The following ASPRV1 variants were observed in gnomAD, a reference collection of about 807,000 sequenced individuals.
ASPRV1 encodes the protein aspartic peptidase retroviral like 1.
A neutral mutation model predicts 11.0 loss-of-function variants in ASPRV1; 7 were observed. The observed-to-expected ratio is 0.64, with a 90% CI of 0.36 to 1.20. The LOEUF is 1.20. ASPRV1 is among the 50% of genes most tolerant of loss of function. The pLI, the probability that ASPRV1 is intolerant of heterozygous loss-of-function variation, is 0.02. For synonymous variants in ASPRV1, 136 were observed against 138.4 expected, an observed-to-expected ratio of 0.98 and a Z score of 0.12; for missense variants, 299 against 320.0, an observed-to-expected ratio of 0.93 and a Z score of 0.50.
At chr2:70,069,352 G>A in the ASPRV1 span, 1 of 152,250 alleles carries the variant, frequency 6.6e-6, no homozygotes, top group Non-Finnish European at 1.5e-5. Flanking sequence ...GGTTCCCACA[G>A]AAGCATCCCA....
chr2:70,036,343 A>G, the ASPRV1 span, among the ~76,000 whole-genome samples: 1 of 152,156 alleles, frequency 6.6e-6, no homozygotes, highest in Non-Finnish European at 1.5e-5. Context: ...AGCATGCAAA[A>G]TGAATGAAGC....
the ASPRV1 span, among the ~76,000 whole-genome samples, chr2:70,057,210 T>C: frequency 6.6e-6 from 1 of 151,564 alleles, no homozygotes; most frequent in Admixed American, 6.6e-5. Context: ...TAGACCAGCC[T>C]GGGCAACACA....
the ASPRV1 span, chr2:70,011,972 A>C: frequency 6.6e-6 from 1 of 152,238 alleles, no homozygotes; most frequent in African/African-American, 2.4e-5. Flanking sequence ...CAACAGTGTG[A>C]AGAAACAGAG....
At chr2:70,022,301 C>T in the ASPRV1 span, among the ~76,000 whole-genome samples, 3 of 149,610 alleles carry the variant, frequency 2.0e-5, no homozygotes, top group Non-Finnish European at 4.4e-5. Flanking sequence ...AGGCATGAGC[C>T]ACCATGCCAG....
At chr2:69,985,152 G>A in the ASPRV1 span, among the ~76,000 whole-genome samples, 142 of 152,268 alleles carry the variant, frequency 9.3e-4, no homozygotes, top group African/African-American at 3.2e-3. Flanking sequence ...CACGGCGCCC[G>A]GCCCAGGTCC....
chr2:70,022,354 C>CA, the ASPRV1 span, among the ~76,000 whole-genome samples: 6 of 90,918 alleles, frequency 6.6e-5, no homozygotes, highest in Admixed American at 3.0e-4. Flanking sequence ...AAAACACACA[C>CA]ACACACTTAC....
chr2:70,059,169 G>A, the ASPRV1 span, among the ~76,000 whole-genome samples: 2 of 151,412 alleles, frequency 1.3e-5, no homozygotes, highest in African/African-American at 2.4e-5. Flanking sequence ...GGGATTACAG[G>A]CGTGAGCCAC....
upstream of ASPRV1, among the ~76,000 whole-genome samples, chr2:69,965,443 TAAAAAA>T (rs924253081): frequency 6.7e-4 from 98 of 146,666 alleles, no homozygotes; most frequent in African/African-American, 2.1e-3. Context: ...GCTGGTGGGC[TAAAAAA>T]AAAACAAAAA....
the ASPRV1 span, among the ~76,000 whole-genome samples, chr2:69,952,857 A>G: frequency 6.6e-6 from 1 of 152,108 alleles, no homozygotes; most frequent in African/African-American, 2.4e-5. Flanking sequence ...TCTCACCTCC[A>G]TAACAAATGC....
At chr2:70,037,621 AT>A in the ASPRV1 span, among the ~76,000 whole-genome samples, 8 of 148,240 alleles carry the variant, frequency 5.4e-5, no homozygotes, top group African/African-American at 2.0e-4. Flanking sequence ...ACTTTGGCCC[AT>A]TTTTTTGTGG....
At chr2:69,995,637 G>A in the ASPRV1 span, among the ~76,000 whole-genome samples, 1 of 152,148 alleles carries the variant, frequency 6.6e-6, no homozygotes, top group Admixed American at 6.6e-5. Flanking sequence ...AAGGGACAGA[G>A]GAGTCTGGGA....
the ASPRV1 span, chr2:69,935,604 C>G: frequency 1.5e-6 from 1 of 649,662 alleles, no homozygotes; most frequent in Admixed American, 2.3e-5. Context: ...TCAAATGCAA[C>G]ATATTCAAAA....
chr2:70,084,865 T>C, the ASPRV1 span, among the ~76,000 whole-genome samples: 1 of 152,224 alleles, frequency 6.6e-6, no homozygotes, highest in Non-Finnish European at 1.5e-5. Context: ...TGCTGTTATG[T>C]ACCTATTAAA....
chr2:69,937,213 C>A, the ASPRV1 span: 1 of 1,611,626 alleles, frequency 6.2e-7, no homozygotes, highest in Admixed American at 1.7e-5. Flanking sequence ...TGGGGCCCAA[C>A]AACTACCCCT....
the ASPRV1 span, among the ~76,000 whole-genome samples, chr2:69,997,622 C>T: frequency 4.6e-5 from 7 of 152,222 alleles, no homozygotes; most frequent in Non-Finnish European, 1.0e-4. Flanking sequence ...CCTCCTCCTG[C>T]CACACCTGCT....
At chr2:70,037,160 C>G in the ASPRV1 span, among the ~76,000 whole-genome samples, 1 of 152,156 alleles carries the variant, frequency 6.6e-6, no homozygotes, top group Middle Eastern at 3.2e-3. Context: ...GAAACAAATC[C>G]ATCTTCCCCT....
the ASPRV1 span, chr2:69,938,511 AC>A: frequency 2.0e-6 from 1 of 506,374 alleles, no homozygotes; most frequent in African/African-American, 1.9e-5. Context: ...GAGAGACTAT[AC>A]ATTCCAATCA....
downstream of ASPRV1, among the ~76,000 whole-genome samples, chr2:69,957,587 T>C (rs528251672): frequency 3.0e-4 from 45 of 151,890 alleles, no homozygotes; most frequent in South Asian, 8.6e-3. Flanking sequence ...CAAACTCTTA[T>C]GTCCCCTAGA....
downstream of ASPRV1, chr2:69,960,008 C>CT (rs1431787008): frequency 6.6e-6 from 1 of 152,396 alleles, no homozygotes; most frequent in Non-Finnish European, 1.5e-5. Context: ...GCTAGGCACT[C>CT]AGTAGACATG....
Sources: allele counts gnomAD v4.1 joint callset (sites outside exome capture counted in the v4.1 genomes callset), GRCh38; gene constraint gnomAD v4.1.1; transcripts MANE v1.5; gene names NCBI Gene and HGNC (gene_info 2026-07-23, HGNC 2026-07-21).